FUNDC2: variants seen among roughly 807,000 people sequenced by gnomAD.
FUNDC2 encodes FUN14 domain containing 2.
Under a neutral mutation model 15.6 loss-of-function variants are expected in FUNDC2, and 4 were observed. That is an observed-to-expected ratio of 0.26 (90% CI 0.13 to 0.59). The LOEUF is 0.59. Among genes scored for constraint, FUNDC2 ranks in the 20% least tolerant of loss-of-function variants. The pLI is 0.90. For missense variants in FUNDC2, 98 were observed against 149.7 expected (o/e 0.65, Z 1.80); for synonymous variants, 44 against 56.9 (o/e 0.77, Z 1.02).
chrX:155,042,087 GA>G (rs1391204771), intron 2 of FUNDC2, among the ~76,000 whole-genome samples: 5 of 73,923 alleles, frequency 6.8e-5, no homozygotes, highest in African/African-American at 2.5e-4. Flanking sequence ...AAAAAAAAAA[GA>G]AAAAAAAGAA....
At chrX:155,039,657 G>A (rs1344568031) in intron 2 of FUNDC2, among the ~76,000 whole-genome samples, 2 of 111,859 alleles carry the variant, frequency 1.8e-5, no homozygotes, top group Non-Finnish European at 1.9e-5. Flanking sequence ...CTGTAAATAC[G>A]TGGATTTATT....
intron 2 of FUNDC2, among the ~76,000 whole-genome samples, chrX:155,037,955 A>G (rs1227972696): frequency 3.6e-5 from 4 of 110,567 alleles, no homozygotes; most frequent in South Asian, 3.9e-4. Flanking sequence ...GGCTGGGTGC[A>G]GTGGCTCACA....
Position 155,046,488 on chromosome X carries a change from G to C in FUNDC2, c.285-21G>C, listed in dbSNP as rs1557290052. ...TAACTGACAGCTCATCAATTTGTCT[G>C]ATGTTGGTTTGTTTTTGTAGGTGCA... On this transcript the variant is annotated intron_variant, in intron 2 of 4. Transcript: ENST00000369498. 3.4e-6 allele frequency: 4 copies of C among 1,188,659 alleles called. No homozygotes were observed. The Admixed American group carries it at 8.7e-5, about 26-fold the overall frequency.
At chrX:155,044,972 A>G (rs1462193243) in intron 2 of FUNDC2, among the ~76,000 whole-genome samples, 4 of 111,965 alleles carry the variant, frequency 3.6e-5, no homozygotes, top group Admixed American at 1.9e-4. Flanking sequence ...GTGTCCATCA[A>G]TGGATGAATG....
Position 155,057,972 on chromosome X carries a change from TGTG to T in FUNDC2, c.*3308_*3310del, listed in dbSNP as rs2073913961. ...CACGGGAGCTGGGTGCGGGGAGAGA[TGTG>T]GTGGTGGGGACCCTTGCCTGAGCAG... On this transcript the variant is annotated 3_prime_UTR_variant, in exon 5 of 5. Coordinates refer to ENST00000369498, the MANE Select transcript of FUNDC2 (RefSeq NM_023934.4). The T allele has an allele frequency of 9.0e-6, 1 of 110,650 alleles. No homozygotes were observed. The highest frequency in any genetic ancestry group is 3.3e-5 in the African/African-American group (1 of 30,297). 9.1% of individuals were successfully genotyped at this position (110,650 alleles called of 1,213,427 possible).
rs1557291422 is a variant in FUNDC2, at chrX:155,059,529, C to T, written c.*4857C>T. ...CTTAAGACTGAGATTCAGTGTTACT[C>T]TTGGTCCCTAACAATAAGAAGCACT... is the stretch of plus-strand genomic sequence containing the variant. On this transcript the variant is annotated 3_prime_UTR_variant, in exon 5 of 5. Coordinates refer to ENST00000369498, the MANE Select transcript of FUNDC2 (RefSeq NM_023934.4). The T allele has an allele frequency of 2.7e-5, 3 of 109,415 alleles. No homozygotes were observed. Among genetic ancestry groups the T allele is most frequent in the African/African-American group, 1.0e-4 (3 of 29,955 alleles). 9.0% of individuals were successfully genotyped at this position (109,415 alleles called of 1,213,427 possible).
At chrX:155,042,002 G>C (rs2073847679) in intron 2 of FUNDC2, among the ~76,000 whole-genome samples, 1 of 100,152 alleles carries the variant, frequency 1.0e-5, no homozygotes, top group Non-Finnish European at 2.0e-5. Flanking sequence ...CCGGGAGGCA[G>C]AGCTTGCAGT....
chrX:155,040,652 A>C (rs1247888104), intron 2 of FUNDC2, among the ~76,000 whole-genome samples: 2 of 111,996 alleles, frequency 1.8e-5, no homozygotes, highest in Non-Finnish European at 3.8e-5. Context: ...AACATTGGGT[A>C]TAAGTATTTT....
chrX:155,034,717 C>T (rs782647087), intron 2 of FUNDC2, among the ~76,000 whole-genome samples: 14 of 112,080 alleles, frequency 1.2e-4, no homozygotes, highest in Non-Finnish European at 2.3e-4. Context: ...TTTTCCTTAG[C>T]GAGGTAATCA....
At chrX:155,044,287 T>C (rs782695868) in intron 2 of FUNDC2, among the ~76,000 whole-genome samples, 1 of 111,672 alleles carries the variant, frequency 9.0e-6, no homozygotes, top group Non-Finnish European at 1.9e-5. Context: ...GCTGTAACAG[T>C]AACCTACATC....
Position 155,057,405 on chromosome X carries a change from G to C in FUNDC2, c.*2733G>C, listed in dbSNP as rs1370798908. On this transcript the variant is annotated 3_prime_UTR_variant, in exon 5 of 5. Transcript: ENST00000369498. ...TAGGCACGTATTTTCTCCAGTAGCA[G>C]AGTCCAATGACGCTCTGGACTTCCT... The C allele has an allele frequency of 2.7e-5, 3 of 111,474 alleles. No homozygotes were observed. The highest frequency in any genetic ancestry group is 6.5e-5 in the African/African-American group (2 of 30,742). The allele number at this position is 111,474 out of a possible 1,213,427, so 9.2% of individuals were successfully genotyped here.
intron 3 of FUNDC2, 90 bp downstream of exon 3, chrX:155,046,674 T>G: frequency 1.4e-6 from 1 of 703,253 alleles, no homozygotes; most frequent in East Asian, 3.2e-5. Context: ...GTCCTGGCTA[T>G]GTCACACTAG....
rs1304153467 is a variant in FUNDC2 at position 155,059,560 on chromosome X, A to G, written c.*4888A>G. The G allele has an allele frequency of 5.4e-5, 6 of 111,355 alleles. No homozygotes were observed. Among genetic ancestry groups the G allele is most frequent in the South Asian group, 7.5e-4 (2 of 2,656 alleles). 9.2% of individuals were successfully genotyped at this position (111,355 alleles called of 1,213,427 possible). A position where few individuals can be genotyped will look rare whatever the true frequency, so the allele number is the denominator to read the frequency against. ...CCCTAACAATAAGAAGCACTCAGTA[A>G]ATGTTAAGCCTTCTATGATGGCTAT... is the stretch of plus-strand genomic sequence containing the variant. On this transcript the variant is annotated 3_prime_UTR_variant, in exon 5 of 5. Coordinates refer to ENST00000369498, the MANE Select transcript of FUNDC2 (RefSeq NM_023934.4).
intron 1 of FUNDC2, among the ~76,000 whole-genome samples, chrX:155,030,157 A>G (rs1164341648): frequency 9.0e-6 from 1 of 110,703 alleles, no homozygotes; most frequent in East Asian, 2.8e-4. Context: ...ATTATCTGCC[A>G]ATGAAGACAG....
At position 155,060,208 on chromosome X, in the gene FUNDC2, G is replaced by C. The variant is rs1167934041; in HGVS notation, c.*5536G>C. The stretch of plus-strand genomic sequence containing the variant: ...GAAAAACAATCTATTTGATCATGTA[G>C]TGATTCCTAATGTAAATCCTAGTAC... On this transcript the variant is annotated 3_prime_UTR_variant, in exon 5 of 5. Coordinates refer to ENST00000369498, the MANE Select transcript of FUNDC2 (RefSeq NM_023934.4). 2.7e-5 allele frequency: 3 copies of C among 112,377 alleles called. No individual in the cohort carries two copies. Among genetic ancestry groups the C allele is most frequent in the Non-Finnish European group, 5.6e-5 (3 of 53,304 alleles). The allele number at this position is 112,377 out of a possible 1,213,427, so 9.3% of individuals were successfully genotyped here.
Position 155,057,445 on chromosome X carries a change from G to A in FUNDC2, c.*2773G>A, listed in dbSNP as rs1180307129. The A allele has an allele frequency of 8.9e-6, 1 of 112,060 alleles. No individual in the cohort carries two copies. Among genetic ancestry groups the A allele is most frequent in the African/African-American group, 3.3e-5 (1 of 30,763 alleles). The allele number at this position is 112,060 out of a possible 1,213,427, so 9.2% of individuals were successfully genotyped here. On this transcript the variant is annotated 3_prime_UTR_variant, in exon 5 of 5. Transcript: ENST00000369498. Reference sequence around the variant, plus strand: ...CTGGACTTCCTAATTAGTGGTGGTGGGGCGGAAGTTTTTCCTTGGGAAGAG... The same window carrying A: ...CTGGACTTCCTAATTAGTGGTGGTGAGGCGGAAGTTTTTCCTTGGGAAGAG...
At chrX:155,033,650 C>A (rs2073822745) in intron 2 of FUNDC2, 97 bp downstream of exon 2, 6 of 842,112 alleles carry the variant, frequency 7.1e-6, no homozygotes, top group Middle Eastern at 2.9e-4. Context: ...AACACATTGG[C>A]TTCTGTGAAA....
At chrX:155,048,795 A>G (rs1402395929) in intron 3 of FUNDC2, among the ~76,000 whole-genome samples, 1 of 112,397 alleles carries the variant, frequency 8.9e-6, no homozygotes, top group Non-Finnish European at 1.9e-5. Context: ...TTTTCCGTAT[A>G]GATCTTGTAC....
At chrX:155,044,095 GT>G (rs2073855350) in intron 2 of FUNDC2, among the ~76,000 whole-genome samples, 1 of 112,040 alleles carries the variant, frequency 8.9e-6, no homozygotes, top group African/African-American at 3.2e-5. Context: ...AGCCCATATG[GT>G]AAATATTGTA....
Sources: gnomAD v4.1 joint callset for allele counts (sites outside exome capture counted in the v4.1 genomes callset) on GRCh38, gnomAD v4.1.1 for gene constraint, MANE v1.5 for transcripts, NCBI Gene and HGNC (gene_info 2026-07-23, HGNC 2026-07-21) for gene names.